Variants in CSMD1 observed in about 807,000 individuals in gnomAD.
The protein encoded by CSMD1 is CUB and Sushi multiple domains 1.
Under a neutral mutation model 417.5 loss-of-function variants are expected in CSMD1, and 213 were observed. The observed-to-expected ratio is 0.51, with a 90% confidence interval of 0.46 to 0.57. The LOEUF is 0.57. Ranked by LOEUF, CSMD1 falls within the 20% of genes least tolerant of loss-of-function variation. The probability of loss-of-function intolerance (pLI) is 0.00; values close to 1 mark genes in which losing one functional copy is unlikely to be tolerated. For missense variants in CSMD1, 6,923 were observed against 4,529.7 expected (o/e 1.53, Z -15.17); for synonymous variants, 2,862 against 1,736.8 (o/e 1.65, Z -16.11).
intron 2 of CSMD1, among the ~76,000 whole-genome samples, chr8:4,576,875 T>A (rs762186213): frequency 3.4e-4 from 52 of 152,218 alleles, no homozygotes; most frequent in Non-Finnish European, 6.5e-4. Context: ...GTCACATACT[T>A]CAGTTATGAT....
chr8:3,222,434 C>T (rs911800369), intron 28 of CSMD1, among the ~76,000 whole-genome samples: 2 of 151,960 alleles, frequency 1.3e-5, no homozygotes, highest in South Asian at 2.1e-4. Flanking sequence ...CTCAGCCTCT[C>T]GAGTAGCTAG....
intron 10 of CSMD1, among the ~76,000 whole-genome samples, chr8:3,541,139 T>A (rs10091176): frequency 0.039 from 6,004 of 152,278 alleles, 348 homozygotes; most frequent in African/African-American, 0.12. Context: ...CAAATGTCCA[T>A]CAATGACAGA....
At chr8:4,037,167 G>A (rs1193109248) in intron 3 of CSMD1, among the ~76,000 whole-genome samples, 1 of 152,288 alleles carries the variant, frequency 6.6e-6, no homozygotes, top group Non-Finnish European at 1.5e-5. Flanking sequence ...GTGTGTCAGT[G>A]TTCAATATTA....
intron 1 of CSMD1, among the ~76,000 whole-genome samples, chr8:4,685,507 C>T (rs1250799678): frequency 6.6e-6 from 1 of 151,730 alleles, no homozygotes; most frequent in Non-Finnish European, 1.5e-5. Context: ...ACTCAGGAGG[C>T]GGAGGTTGCA....
Position 3,000,041 on chromosome 8 carries a change from T to C in CSMD1, c.8120A>G (p.Asn2707Ser), listed in dbSNP as rs201302591. 5.4e-5 allele frequency: 86 copies of C among 1,605,422 alleles called. No homozygotes were observed. The African/African-American group carries it at 9.4e-4, about 17-fold the overall frequency. ...AGTTCCCACAAGCCGGAAACCAGGA[T>C]TGCACTGGTAAACCACCGTGTCTCT... ...SYRDTVVYQC[N>S]PGFRLVGTSV... The change falls in exon 53 of 70, where the codon AAT (asparagine) becomes AGT (serine). Residue 2707 changes from asparagine to serine, a missense_variant. Transcript: ENST00000635120.
At chr8:4,744,743 G>A (rs530348780) in intron 1 of CSMD1, among the ~76,000 whole-genome samples, 66 of 152,230 alleles carry the variant, frequency 4.3e-4, no homozygotes, top group African/African-American at 1.5e-3. Flanking sequence ...ACTAATTAGT[G>A]TATGAAGCTA....
chr8:3,955,983 C>A (rs1283278688), intron 5 of CSMD1, among the ~76,000 whole-genome samples: 1 of 152,162 alleles, frequency 6.6e-6, no homozygotes, highest in Non-Finnish European at 1.5e-5. Flanking sequence ...TTAGTAGAGT[C>A]AGGGTTTCAC....
intron 1 of CSMD1, among the ~76,000 whole-genome samples, chr8:4,741,257 G>C (rs1052965300): frequency 6.6e-6 from 1 of 152,120 alleles, no homozygotes; most frequent in African/African-American, 2.4e-5. Flanking sequence ...GCTTAAAGAA[G>C]AGCATCTTTG....
At chr8:4,658,867 G>A (rs574648345) in intron 1 of CSMD1, among the ~76,000 whole-genome samples, 92 of 152,224 alleles carry the variant, frequency 6.0e-4, no homozygotes, top group African/African-American at 2.1e-3. Context: ...GGGGTTGGGA[G>A]TCTAGAGCTA....
chr8:3,883,086 C>T lies in CSMD1; in HGVS notation c.818+114817G>A, dbSNP rs143551658. The stretch of plus-strand genomic sequence containing the variant: ...CATAAATGTGTCTTGACTATTTACT[C>T]TAAGAATTCCCTAAGAATCCTTAGT... On this transcript the variant is annotated intron_variant, in intron 5 of 69. Transcript: ENST00000635120. Among the ~76,000 whole-genome samples, 3 of 152,310 alleles carry T rather than the reference C, an allele frequency of 2.0e-5. No homozygotes were observed. In the East Asian group the frequency reaches 5.8e-4, roughly 29 times the overall value.
In CSMD1 at chr8:3,726,429, G is replaced by C. The variant is rs143788996; in HGVS notation, c.932-17938C>G. On this transcript the variant is annotated intron_variant, in intron 6 of 69. Coordinates refer to ENST00000635120, the MANE Select transcript of CSMD1 (RefSeq NM_033225.6). ...AATTAGAAAGGATGGAATGAGATTG[G>C]TGACAAGGACAGGGGTCAGCAGGTA... 4.5e-3 allele frequency among the ~76,000 whole-genome samples: 681 copies of C among 152,318 alleles called. 4 individuals carry two copies. Among genetic ancestry groups the C allele is most frequent in the African/African-American group, 0.015 (633 of 41,568 alleles).
At chr8:3,911,469 A>G (rs1260420251) in intron 5 of CSMD1, among the ~76,000 whole-genome samples, 4 of 151,504 alleles carry the variant, frequency 2.6e-5, no homozygotes, top group Non-Finnish European at 5.9e-5. Context: ...CGGAGCCTGC[A>G]GTGAGCCAAG....
At chr8:4,556,688 A>G (rs1212124870) in intron 2 of CSMD1, among the ~76,000 whole-genome samples, 2 of 152,234 alleles carry the variant, frequency 1.3e-5, no homozygotes, top group Admixed American at 6.5e-5. Flanking sequence ...TTTTTTCCAT[A>G]AGTTTAATTA....
intron 2 of CSMD1, among the ~76,000 whole-genome samples, chr8:4,427,312 A>C (rs917979128): frequency 6.6e-6 from 1 of 152,158 alleles, no homozygotes; most frequent in Non-Finnish European, 1.5e-5. Context: ...TGTTGACAAA[A>C]TACTGGATGC....
At chr8:3,347,934 C>A (rs919381554) in intron 22 of CSMD1, 58 bp downstream of exon 22, 2 of 1,203,350 alleles carry the variant, frequency 1.7e-6, no homozygotes, top group Admixed American at 2.9e-5. Context: ...AATAGATAGA[C>A]AATGTATTTT....
Position 4,882,709 on chromosome 8 carries a change from C to A in CSMD1, c.85+111623G>T, listed in dbSNP as rs551127331. 5.4e-4 allele frequency among the ~76,000 whole-genome samples: 82 copies of A among 151,972 alleles called. No homozygotes were observed. The South Asian group carries it at 0.013, about 24-fold the overall frequency. The stretch of plus-strand genomic sequence containing the variant: ...TGTGCCGTTTATTTCCTCTGGGAAC[C>A]AGACTAAAACACCTTTATAATATGT... On this transcript the variant is annotated intron_variant, in intron 1 of 69. Transcript: ENST00000635120.
chr8:3,678,648 C>G (rs141561846), intron 7 of CSMD1, among the ~76,000 whole-genome samples: 1 of 152,134 alleles, frequency 6.6e-6, no homozygotes, highest in Admixed American at 6.5e-5. Flanking sequence ...CCCAACCTAG[C>G]AAGGCAGGCC....
intron 3 of CSMD1, among the ~76,000 whole-genome samples, chr8:4,132,319 A>T (rs900677983): frequency 6.6e-6 from 1 of 151,984 alleles, no homozygotes; most frequent in East Asian, 1.9e-4. Context: ...ACTGAGCAAG[A>T]CACAAAGGAG....
At chr8:4,493,099 A>G (rs549018945) in intron 2 of CSMD1, among the ~76,000 whole-genome samples, 41 of 152,220 alleles carry the variant, frequency 2.7e-4, no homozygotes, top group Non-Finnish European at 5.0e-4. Flanking sequence ...ATACTGAACC[A>G]TCTGTATTCT....
Sources: allele counts gnomAD v4.1 joint callset (sites outside exome capture counted in the v4.1 genomes callset), GRCh38; gene constraint gnomAD v4.1.1; transcripts MANE v1.5; gene names NCBI Gene and HGNC (gene_info 2026-07-23, HGNC 2026-07-21).